Variants in MAGI2 observed in about 807,000 individuals in gnomAD.
MAGI2 encodes the protein membrane associated guanylate kinase, WW and PDZ domain containing 2, also known as membrane-associated guanylate kinase, WW and PDZ domain-containing protein 2.
Under a neutral mutation model 133.3 loss-of-function variants are expected in MAGI2, and 35 were observed. That is an observed-to-expected ratio of 0.26 (90% CI 0.20 to 0.35). MAGI2 has a LOEUF of 0.35. MAGI2 is among the 10% of genes least tolerant of loss of function. The pLI is 1.00. For synonymous variants in MAGI2, 729 were observed against 710.6 expected (o/e 1.03, Z -0.41); for missense variants, 1,636 against 1,863.4 (o/e 0.88, Z 2.25).
intron 3 of MAGI2, among the ~76,000 whole-genome samples, chr7:78,548,079 C>T (rs553582439): frequency 9.9e-5 from 15 of 151,800 alleles, no homozygotes; most frequent in Non-Finnish European, 2.1e-4. Context: ...TCAAGCTCAT[C>T]GATTTTGCCT....
At chr7:78,764,146 G>T (rs193073302) in intron 2 of MAGI2, among the ~76,000 whole-genome samples, 1 of 152,168 alleles carries the variant, frequency 6.6e-6, no homozygotes, top group East Asian at 1.9e-4. Context: ...TGACTGTAAT[G>T]AAATGGAAAT....
intron 4 of MAGI2, among the ~76,000 whole-genome samples, chr7:78,507,983 C>T (rs1795236180): frequency 6.6e-6 from 1 of 152,206 alleles, no homozygotes; most frequent in Admixed American, 6.5e-5. Flanking sequence ...TTGGCAGGGC[C>T]AGCTCCCTCT....
intron 2 of MAGI2, among the ~76,000 whole-genome samples, chr7:78,966,786 A>T (rs1459049757): frequency 6.7e-6 from 1 of 149,816 alleles, no homozygotes; most frequent in African/African-American, 2.5e-5. Context: ...AAACATTCCC[A>T]CTAATAGCAT....
chr7:78,213,751 T>G (rs1395579025), intron 10 of MAGI2, among the ~76,000 whole-genome samples: 1 of 152,254 alleles, frequency 6.6e-6, no homozygotes, highest in Non-Finnish European at 1.5e-5. Flanking sequence ...CATAAATCTT[T>G]GTCGATCATG....
At chr7:78,370,788 C>T (rs553588213) in intron 6 of MAGI2, among the ~76,000 whole-genome samples, 2 of 152,052 alleles carry the variant, frequency 1.3e-5, no homozygotes, top group African/African-American at 4.8e-5. Flanking sequence ...AGTGCTTTCT[C>T]TTTCATAACA....
chr7:78,530,546 C>CA (rs1179185571), intron 3 of MAGI2, among the ~76,000 whole-genome samples: 2 of 152,132 alleles, frequency 1.3e-5, no homozygotes, highest in Non-Finnish European at 2.9e-5. Flanking sequence ...AGCTCACAGA[C>CA]AGAGGGATTG....
intron 1 of MAGI2, among the ~76,000 whole-genome samples, chr7:79,427,853 G>C (rs987402126): frequency 6.6e-6 from 1 of 152,016 alleles, no homozygotes; most frequent in Admixed American, 6.6e-5. Context: ...ACTGTCAGCA[G>C]GAAAACTGTT....
chr7:78,384,788 C>T (rs939598849), intron 6 of MAGI2, among the ~76,000 whole-genome samples: 1 of 152,080 alleles, frequency 6.6e-6, no homozygotes, highest in Admixed American at 6.6e-5. Flanking sequence ...TGGGAATATG[C>T]CTTAATTTCA....
chr7:78,609,449 T>C (rs38098), intron 3 of MAGI2, among the ~76,000 whole-genome samples: 109,421 of 152,070 alleles, frequency 0.72, 39,839 homozygotes, highest in Middle Eastern at 0.82. Context: ...ATAAAGTTGA[T>C]AAAAAGTCAA....
intron 2 of MAGI2, among the ~76,000 whole-genome samples, chr7:78,706,380 C>CG (rs75818279): frequency 0.088 from 13,400 of 152,016 alleles, 787 homozygotes; most frequent in East Asian, 0.16. Flanking sequence ...GCCATGATTC[C>CG]GAGACCTTCC....
intron 6 of MAGI2, among the ~76,000 whole-genome samples, chr7:78,465,337 A>T (rs886154850): frequency 3.3e-5 from 5 of 152,324 alleles, no homozygotes; most frequent in African/African-American, 1.2e-4. Context: ...CAATGGGCAC[A>T]TAGAGACTAT....
intron 6 of MAGI2, among the ~76,000 whole-genome samples, chr7:78,455,058 A>G (rs1584213099): frequency 6.6e-6 from 1 of 152,168 alleles, no homozygotes; most frequent in Non-Finnish European, 1.5e-5. Context: ...AAAGTAAACA[A>G]TGGACTTTAG....
chr7:78,810,448 G>A (rs1483118181), intron 2 of MAGI2, among the ~76,000 whole-genome samples: 1 of 152,060 alleles, frequency 6.6e-6, no homozygotes, highest in Non-Finnish European at 1.5e-5. Flanking sequence ...TTATTATCAG[G>A]CCAGATTTTA....
chr7:78,605,397 C>T (rs1218204537), intron 3 of MAGI2, among the ~76,000 whole-genome samples: 1 of 152,118 alleles, frequency 6.6e-6, no homozygotes, highest in African/African-American at 2.4e-5. Flanking sequence ...GGAAAATGAC[C>T]TCTTAAAGAG....
chr7:78,972,116 T>C (rs1803841531), intron 2 of MAGI2, among the ~76,000 whole-genome samples: 1 of 151,938 alleles, frequency 6.6e-6, no homozygotes, highest in Admixed American at 6.6e-5. Context: ...TTTAAAAATC[T>C]ATACTTCTAA....
chr7:78,498,699 T>C (rs1270604450), intron 5 of MAGI2, among the ~76,000 whole-genome samples: 1 of 152,116 alleles, frequency 6.6e-6, no homozygotes, highest in Non-Finnish European at 1.5e-5. Context: ...ACACCGAATC[T>C]TGAGGTTCAA....
chr7:78,805,196 G>A (rs1264390092), intron 2 of MAGI2, among the ~76,000 whole-genome samples: 3 of 150,426 alleles, frequency 2.0e-5, no homozygotes, highest in African/African-American at 7.3e-5. Context: ...TTTGACAATA[G>A]ATATTTTGTA....
chr7:78,053,731 A>G (rs1410362388), intron 21 of MAGI2, among the ~76,000 whole-genome samples: 2 of 152,146 alleles, frequency 1.3e-5, no homozygotes, highest in East Asian at 3.9e-4. Flanking sequence ...GTGCCCATTT[A>G]TTGGGGTGGG....
intron 6 of MAGI2, among the ~76,000 whole-genome samples, chr7:78,464,678 T>C (rs1197287972): frequency 6.6e-6 from 1 of 151,916 alleles, no homozygotes; most frequent in Non-Finnish European, 1.5e-5. Context: ...ATAAAGTACA[T>C]AGCTTGTGTT....
Sources: allele counts gnomAD v4.1 joint callset (sites outside exome capture counted in the v4.1 genomes callset), GRCh38; gene constraint gnomAD v4.1.1; transcripts MANE v1.5; gene names NCBI Gene and HGNC (gene_info 2026-07-23, HGNC 2026-07-21).